The following PATJ variants were observed in gnomAD, a reference collection of about 807,000 sequenced individuals.
PATJ encodes PATJ crumbs cell polarity complex component.
PATJ carries 190 observed loss-of-function variants against 224.9 expected under a neutral mutation model. That is an observed-to-expected ratio of 0.84 (90% CI 0.75 to 0.95). The LOEUF (loss-of-function observed/expected upper bound fraction) is 0.95, where lower values mean the gene tolerates loss of function less well. PATJ is among the 40% of genes least tolerant of loss of function. PATJ has a pLI of 0.00. For synonymous variants in PATJ, 769 were observed against 820.3 expected, an observed-to-expected ratio of 0.94 and a Z score of 1.07; for missense variants, 2,121 against 2,270.3, an observed-to-expected ratio of 0.93 and a Z score of 1.34.
At chr1:61,829,041 A>G (rs1484967005) in intron 16 of PATJ, among the ~76,000 whole-genome samples, 1 of 152,224 alleles carries the variant, frequency 6.6e-6, no homozygotes, top group Non-Finnish European at 1.5e-5. Context: ...GCTCAGTAAC[A>G]GTCGGCTATG....
intron 27 of PATJ, among the ~76,000 whole-genome samples, chr1:61,987,776 C>T (rs1363991752): frequency 6.6e-6 from 1 of 152,208 alleles, no homozygotes; most frequent in East Asian, 1.9e-4. Context: ...ACTGCGTTTT[C>T]CTCTTGCCAT....
chr1:62,053,633 C>T (rs1394099652), intron 31 of PATJ, among the ~76,000 whole-genome samples: 2 of 151,972 alleles, frequency 1.3e-5, no homozygotes, highest in African/African-American at 4.8e-5. Context: ...GCAGGAGAAT[C>T]GCTTGAACCT....
At chr1:62,034,315 C>G (rs959659433) in intron 29 of PATJ, among the ~76,000 whole-genome samples, 2 of 151,956 alleles carry the variant, frequency 1.3e-5, no homozygotes, top group African/African-American at 4.8e-5. Flanking sequence ...TGTTGGCACA[C>G]GCCTGTAGTC....
In PATJ at chr1:61,832,025, C is replaced by A. The variant is rs891875677; in HGVS notation, c.1981-1629C>A. On this transcript the variant is annotated intron_variant, in intron 16 of 43. Transcript: ENST00000642238. ...AAGAATGAAATCATGTCCTTTGCAG[C>A]AACCTGAATGGAGCCAGAGGCCATT... 2.6e-5 allele frequency among the ~76,000 whole-genome samples: 4 copies of A among 152,134 alleles called. No individual in the cohort carries two copies. The East Asian group carries it at 7.7e-4, about 29-fold the overall frequency.
At chr1:61,812,433 A>AGAGAGAGAGTGTGT (rs1397549346) in intron 14 of PATJ, among the ~76,000 whole-genome samples, 25 of 85,198 alleles carry the variant, frequency 2.9e-4, no homozygotes, top group African/African-American at 1.1e-3. Flanking sequence ...AGAGAGAGAG[A>AGAGAGAGAGTGTGT]GTGTGTGTGT....
At chr1:61,829,424 C>T (rs966434371) in intron 16 of PATJ, among the ~76,000 whole-genome samples, 1 of 152,184 alleles carries the variant, frequency 6.6e-6, no homozygotes, top group Non-Finnish European at 1.5e-5. Flanking sequence ...ATAACAATGC[C>T]TTTAATCTAA....
chr1:61,802,785 G>A (rs1170305865), intron 12 of PATJ, among the ~76,000 whole-genome samples: 1 of 151,036 alleles, frequency 6.6e-6, no homozygotes, highest in Non-Finnish European at 1.5e-5. Context: ...TTTGTATTTT[G>A]ATACCTTAGC....
chr1:61,903,049 G>A lies in PATJ; in HGVS notation c.3381+1590G>A, dbSNP rs181814058. ...AGGGGTAAGAGAAAAGGGCTGAGGA[G>A]TGATGGGAAGCCACATCACGTAGAT... is the stretch of plus-strand genomic sequence containing the variant. On this transcript the variant is annotated intron_variant, in intron 24 of 43. Transcript: ENST00000642238. Among the ~76,000 whole-genome samples, 8 of 152,286 alleles carry A rather than the reference G, an allele frequency of 5.3e-5. No homozygotes were observed. In the East Asian group the frequency reaches 9.7e-4, roughly 18 times the overall value.
intron 15 of PATJ, among the ~76,000 whole-genome samples, chr1:61,826,604 C>T (rs1199603462): frequency 6.6e-6 from 1 of 152,014 alleles, no homozygotes; most frequent in Non-Finnish European, 1.5e-5. Context: ...ATTATGTAGC[C>T]AAATCATCTT....
Position 62,116,678 on chromosome 1 carries a change from A to C in PATJ, c.4802A>C (p.Lys1601Thr). The change falls in exon 36 of 44, where the codon AAG (lysine) becomes ACG (threonine). Residue 1601 changes from lysine (K) to threonine (T), a missense_variant and splice_region_variant. By Grantham distance (78) the Lys-to-Thr change is moderately conservative (BLOSUM62 -1). Transcript: ENST00000642238. ...CAGGAGACAGTGGCCACCATCCTCA[A>C]GGTGAGTTGCTAGGCTGCTTTTTAC... ...ASQETVATIL[K>T]CAQGLVQLEI... 6.2e-7 allele frequency: 1 copy of C among 1,606,480 alleles called. No individual in the cohort carries two copies. Among genetic ancestry groups the C allele is most frequent in the Admixed American group, 1.7e-5 (1 of 58,746 alleles).
chr1:62,084,622 A>C lies in PATJ; in HGVS notation c.4351A>C (p.Ile1451Leu). 6.2e-7 allele frequency: 1 copy of C among 1,613,280 alleles called. No individual in the cohort carries two copies. The highest frequency in any genetic ancestry group is 8.5e-7 in the Non-Finnish European group (1 of 1,179,688). Reference sequence around the variant, plus strand: ...GGGACGTTCAGGGCTTGGTCTCAGCATTGTGGGAGGAAAAGACACACCCTT... The same window carrying C: ...GGGACGTTCAGGGCTTGGTCTCAGCCTTGTGGGAGGAAAAGACACACCCTT... ...SKGRSGLGLS[I>L]VGGKDTPLNA... The change falls in exon 33 of 44, where the codon ATT becomes CTT. Residue 1451 changes from isoleucine (I) to leucine (L), a missense_variant. Ile to Leu is a conservative substitution (Grantham distance 5). Transcript: ENST00000642238.
intron 26 of PATJ, among the ~76,000 whole-genome samples, chr1:61,915,537 C>A (rs964531764): frequency 2.0e-5 from 3 of 151,880 alleles, no homozygotes; most frequent in African/African-American, 7.3e-5. Context: ...ACAAAAGTTT[C>A]TTTTGGGATT....
At chr1:62,059,112 C>T (rs1420077038) in intron 31 of PATJ, among the ~76,000 whole-genome samples, 1 of 152,136 alleles carries the variant, frequency 6.6e-6, no homozygotes, top group Non-Finnish European at 1.5e-5. Context: ...GTCCTCACGT[C>T]TGCATTCCTA....
intron 24 of PATJ, 127 bp from the exon 25 acceptor site, chr1:61,908,245 T>G (rs1672125895): frequency 3.2e-6 from 2 of 616,152 alleles, no homozygotes; most frequent in African/African-American, 3.9e-5. Flanking sequence ...AATCTTATTT[T>G]TTTCTGACCG....
At chr1:61,986,278 G>A (rs1644751250) in intron 27 of PATJ, among the ~76,000 whole-genome samples, 1 of 151,824 alleles carries the variant, frequency 6.6e-6, no homozygotes, top group Admixed American at 6.6e-5. Context: ...TAAATATTGT[G>A]TTTTAATTTT....
intron 17 of PATJ, among the ~76,000 whole-genome samples, chr1:61,839,450 G>A (rs1342612042): frequency 6.6e-6 from 1 of 152,010 alleles, no homozygotes; most frequent in Non-Finnish European, 1.5e-5. Flanking sequence ...ACTAGTGCAA[G>A]TAATTTGTTG....
intron 27 of PATJ, among the ~76,000 whole-genome samples, chr1:61,940,237 G>T (rs1000971926): frequency 2.0e-5 from 3 of 152,042 alleles, no homozygotes; most frequent in Admixed American, 2.0e-4. Context: ...TTTTAAGATT[G>T]GGAATATGAT....
intron 28 of PATJ, among the ~76,000 whole-genome samples, chr1:62,014,502 A>G (rs901121677): frequency 6.9e-5 from 10 of 145,430 alleles, no homozygotes; most frequent in Admixed American, 6.2e-4. Flanking sequence ...TATTTTGAAC[A>G]TTTTCTATGT....
chr1:61,974,406 T>TCTC (rs58200237), intron 27 of PATJ, among the ~76,000 whole-genome samples: 7 of 16,782 alleles, frequency 4.2e-4, no homozygotes, highest in African/African-American at 9.1e-4. Context: ...TCTCTCTCTC[T>TCTC]TTTTTTTTTT....
Sources: gnomAD v4.1 joint callset for allele counts (sites outside exome capture counted in the v4.1 genomes callset) on GRCh38, gnomAD v4.1.1 for gene constraint, MANE v1.5 for transcripts, NCBI Gene and HGNC (gene_info 2026-07-23, HGNC 2026-07-21) for gene names.